PBRM1: variants seen among roughly 807,000 people sequenced by gnomAD.
The protein encoded by PBRM1 is protein polybromo-1.
Under a neutral mutation model 194.5 loss-of-function variants are expected in PBRM1, and 27 were observed. The observed-to-expected ratio is 0.14, with a 90% CI of 0.10 to 0.19. The LOEUF is 0.19. Among genes scored for constraint, PBRM1 ranks in the 10% least tolerant of loss-of-function variants. The probability of loss-of-function intolerance (pLI) is 1.00; values close to 1 mark genes in which losing one functional copy is unlikely to be tolerated. For synonymous variants in PBRM1, 655 were observed against 693.2 expected (o/e 0.94, Z 0.87); for missense variants, 1,466 against 2,077.2 (o/e 0.71, Z 5.72).
At chr3:52,576,514 A>T in intron 22 of PBRM1, 27 bp downstream of exon 24, 3 of 1,569,592 alleles carry the variant, frequency 1.9e-6, no homozygotes, top group Non-Finnish European at 2.6e-6. Context: ...AATAAACACG[A>T]TTAAATAAAA....
intron 4 of PBRM1, among the ~76,000 whole-genome samples, chr3:52,658,806 A>G (rs2096660069): frequency 6.6e-6 from 1 of 152,202 alleles, no homozygotes; most frequent in South Asian, 2.1e-4. Flanking sequence ...TATGAACCTA[A>G]TGAGGTGCCT....
chr3:52,600,909 T>C (rs2093945190), intron 17 of PBRM1, among the ~76,000 whole-genome samples: 4 of 152,212 alleles, frequency 2.6e-5, no homozygotes, highest in Admixed American at 2.6e-4. Flanking sequence ...AGTGCTGGGA[T>C]TACAGTCATG....
chr3:52,573,278 T>TTTTC (rs779767373), intron 22 of PBRM1, among the ~76,000 whole-genome samples: 26 of 152,038 alleles, frequency 1.7e-4, no homozygotes, highest in Non-Finnish European at 3.5e-4. Flanking sequence ...ATGCAACACA[T>TTTTC]TTTCTTTCTT....
chr3:52,617,059 G>A (rs2153482759), intron 14 of PBRM1, among the ~76,000 whole-genome samples: 1 of 152,208 alleles, frequency 6.6e-6, no homozygotes, highest in Middle Eastern at 3.4e-3. Flanking sequence ...TTCAAATCTA[G>A]GATGTCAGAT....
chr3:52,629,074 G>T (rs1410461802), intron 11 of PBRM1, 39 bp from the exon 13 acceptor site: 1 of 1,494,918 alleles, frequency 6.7e-7, no homozygotes, highest in Non-Finnish European at 9.1e-7. Context: ...TTTCTGTCAT[G>T]AAAATTATGA....
At chr3:52,637,803 C>T (rs922911595) in intron 10 of PBRM1, among the ~76,000 whole-genome samples, 7 of 78,958 alleles carry the variant, frequency 8.9e-5, no homozygotes, top group East Asian at 7.5e-4. Context: ...AAAAATTAGC[C>T]GGGCATGGTG....
At chr3:52,626,666 T>A (rs2095458386) in intron 13 of PBRM1, among the ~76,000 whole-genome samples, 1 of 152,050 alleles carries the variant, frequency 6.6e-6, no homozygotes, top group Non-Finnish European at 1.5e-5. Context: ...AATCTCACAG[T>A]AAGATCCCCT....
chr3:52,668,639 T>G, exon 3 of PBRM1: 1 of 1,553,672 alleles, frequency 6.4e-7, no homozygotes, highest in Non-Finnish European at 8.7e-7. Context: ...AATAGTCTGG[T>G]TGATTTCTGT....
chr3:52,602,040 C>T (rs918721616), intron 17 of PBRM1, among the ~76,000 whole-genome samples: 1 of 152,156 alleles, frequency 6.6e-6, no homozygotes, highest in Admixed American at 6.5e-5. Flanking sequence ...GCTGGACAAT[C>T]CCCAGGCCCC....
upstream of PBRM1, among the ~76,000 whole-genome samples, chr3:52,683,016 AC>A (rs2097234886): frequency 6.6e-6 from 1 of 152,070 alleles, no homozygotes; most frequent in African/African-American, 2.4e-5. Flanking sequence ...CCTGGCTAAC[AC>A]GGTGAAACCC....
At chr3:52,568,407 T>C (rs983091489) in intron 22 of PBRM1, among the ~76,000 whole-genome samples, 3 of 152,250 alleles carry the variant, frequency 2.0e-5, no homozygotes, top group South Asian at 2.1e-4. Context: ...ATGATAAACA[T>C]TGCAAATATT....
In PBRM1 at chr3:52,609,231, A is replaced by G. The variant is rs767394267; in HGVS notation, c.2567+82T>C. On this transcript the variant is annotated intron_variant, in intron 16 of 29. Transcript: ENST00000296302. This position sits in a 1 kb window ranked among gnomAD's most constrained non-coding sequence, Gnocchi z 4.1. ...ACAAATCATGTATGTAAGTGGAAAT[A>G]GTACATCAAAGCAATATTCTTTCAT... 1 of 1,073,416 alleles carries G rather than the reference A, an allele frequency of 9.3e-7. No homozygotes were observed. Among genetic ancestry groups the G allele is most frequent in the Non-Finnish European group, 1.4e-6 (1 of 728,762 alleles). The allele number at this position is 1,073,416 out of a possible 1,614,324, so 66.5% of individuals were successfully genotyped here.
chr3:52,570,421 C>T (rs1488681473), intron 22 of PBRM1, among the ~76,000 whole-genome samples: 1 of 152,160 alleles, frequency 6.6e-6, no homozygotes, highest in Non-Finnish European at 1.5e-5. Flanking sequence ...TTACACAGCA[C>T]TTTTATTTAC....
chr3:52,657,727 C>T (rs549135356), intron 5 of PBRM1, among the ~76,000 whole-genome samples: 1 of 152,036 alleles, frequency 6.6e-6, no homozygotes, highest in East Asian at 1.9e-4. Flanking sequence ...GTCTTGGCCT[C>T]CCAAAGTGCT....
intron 22 of PBRM1, among the ~76,000 whole-genome samples, chr3:52,569,995 C>T (rs1011516600): frequency 2.6e-5 from 4 of 152,054 alleles, no homozygotes; most frequent in Non-Finnish European, 4.4e-5. Flanking sequence ...TTGTTTGAGA[C>T]GGAGTCTCAC....
intron 2 of PBRM1, among the ~76,000 whole-genome samples, chr3:52,674,663 T>C (rs922866060): frequency 1.6e-3 from 231 of 143,962 alleles, no homozygotes; most frequent in African/African-American, 5.7e-3. Context: ...TATATATATA[T>C]ATACACACAC....
intron 16 of PBRM1, among the ~76,000 whole-genome samples, chr3:52,604,319 G>A (rs1216305284): frequency 6.6e-6 from 1 of 152,140 alleles, no homozygotes; most frequent in African/African-American, 2.4e-5. Flanking sequence ...GTGTAATTCT[G>A]GGGAACCAGC....
intron 2 of PBRM1, among the ~76,000 whole-genome samples, chr3:52,675,970 C>G (rs1381084265): frequency 1.0e-5 from 1 of 99,278 alleles, no homozygotes; most frequent in Non-Finnish European, 2.0e-5. Context: ...AAAAAATTAG[C>G]CGGGCGTAGT....
chr3:52,564,207 C>T (rs1389353528), exon 23 of PBRM1: 1 of 1,613,156 alleles, frequency 6.2e-7, no homozygotes, highest in Admixed American at 1.7e-5. Context: ...GAGAGGAAGT[C>T]CTTGAATGAC....
Sources: gnomAD v4.1 joint callset for allele counts (sites outside exome capture counted in the v4.1 genomes callset) on GRCh38, gnomAD v4.1.1 for gene constraint, Gnocchi (gnomAD v3.1) non-coding constraint, MANE v1.5 for transcripts, NCBI Gene and HGNC (gene_info 2026-07-23, HGNC 2026-07-21) for gene names.